Variants in CENPP observed in about 807,000 individuals in gnomAD.
CENPP encodes centromere protein P.
CENPP carries 24 observed loss-of-function variants against 35.6 expected under a neutral mutation model. The observed-to-expected ratio is 0.67, with a 90% confidence interval of 0.49 to 0.95. The LOEUF is 0.95. Among genes scored for constraint, CENPP ranks in the 40% least tolerant of loss-of-function variants. The probability of loss-of-function intolerance (pLI) is 0.00; values close to 1 mark genes in which losing one functional copy is unlikely to be tolerated. For synonymous variants in CENPP, 120 were observed against 125.5 expected (o/e 0.96, Z 0.29); for missense variants, 332 against 345.3 (o/e 0.96, Z 0.31).
intron 5 of CENPP, among the ~76,000 whole-genome samples, chr9:92,513,132 T>C (rs1395850889): frequency 6.6e-6 from 1 of 152,160 alleles, no homozygotes. Context: ...CCCAGACGAA[T>C]GCTCCTGCTG....
chr9:92,416,913 G>T, intron 5 of CENPP: 1 of 1,613,998 alleles, frequency 6.2e-7, no homozygotes, highest in Non-Finnish European at 8.5e-7. Flanking sequence ...AGGTTGAGCT[G>T]CATTAGTTTT....
intron 5 of CENPP, among the ~76,000 whole-genome samples, chr9:92,449,966 A>T (rs1344914355): frequency 6.6e-6 from 1 of 152,246 alleles, no homozygotes; most frequent in African/African-American, 2.4e-5. Flanking sequence ...ATTATTGTTT[A>T]ATGTTATTTG....
At chr9:92,367,261 G>T (rs948632835) in intron 4 of CENPP, among the ~76,000 whole-genome samples, 1 of 152,082 alleles carries the variant, frequency 6.6e-6, no homozygotes, top group African/African-American at 2.4e-5. Context: ...CCACCTCTCG[G>T]GTTCAAGCAA....
At chr9:92,444,478 G>A (rs1159196476) in intron 5 of CENPP, among the ~76,000 whole-genome samples, 2 of 150,944 alleles carry the variant, frequency 1.3e-5, no homozygotes, top group Admixed American at 1.3e-4. Context: ...GTCTTTTGAT[G>A]GACAAAACGT....
intron 4 of CENPP, among the ~76,000 whole-genome samples, chr9:92,364,258 C>G (rs755552683): frequency 3.3e-5 from 5 of 151,946 alleles, no homozygotes; most frequent in Non-Finnish European, 7.4e-5. Flanking sequence ...GTCTCACACT[C>G]CTGGGCTCAA....
rs749697394 is a variant in CENPP, at chr9:92,390,587, T to TGTGTGCGC, written c.564+10729_564+10730insTGTGCGCG. On this transcript the variant is annotated intron_variant, in intron 5 of 7. Coordinates refer to ENST00000375587, the MANE Select transcript of CENPP (RefSeq NM_001012267.3). ...CAGTGTGTGTGTGTGTGTGTGTGTG[T>TGTGTGCGC]GCGCGCGCGCGTACTTGCGTGTGCA... is the stretch of plus-strand genomic sequence containing the variant. 2.3e-4 allele frequency among the ~76,000 whole-genome samples: 33 copies of TGTGTGCGC among 141,914 alleles called. No individual in the cohort carries two copies. The South Asian group carries it at 2.3e-3, about 10-fold the overall frequency. The allele number at this position is 141,914 out of a possible 152,430, so 93.1% of individuals were successfully genotyped here.
At chr9:92,337,748 C>T in intron 3 of CENPP, 119 bp downstream of exon 3, 2 of 721,464 alleles carry the variant, frequency 2.8e-6, no homozygotes, top group African/African-American at 1.8e-5. Flanking sequence ...AGGGCCCCCC[C>T]ATTCATAGCA....
chr9:92,432,580 A>G (rs1844139428), intron 5 of CENPP, among the ~76,000 whole-genome samples: 3 of 152,226 alleles, frequency 2.0e-5, no homozygotes, highest in African/African-American at 7.2e-5. Flanking sequence ...TGGGTATAAA[A>G]GCCAGCACAC....
At position 92,616,042 on chromosome 9, in the gene CENPP, A is replaced by G; in HGVS notation, c.*2893A>G. The stretch of plus-strand genomic sequence containing the variant: ...ACCTGGACCTCGATGAAGGGACGAC[A>G]GGCCTTTGATCAGAGCTGCAAGTAA... On this transcript the variant is annotated 3_prime_UTR_variant, in exon 8 of 8. Coordinates refer to ENST00000375587, the MANE Select transcript of CENPP (RefSeq NM_001012267.3). 1 of 1,613,874 alleles carries G rather than the reference A, an allele frequency of 6.2e-7. No individual in the cohort carries two copies. The highest frequency in any genetic ancestry group is 8.5e-7 in the Non-Finnish European group (1 of 1,179,790).
At chr9:92,436,324 T>C (rs564941905) in intron 5 of CENPP, among the ~76,000 whole-genome samples, 2 of 152,340 alleles carry the variant, frequency 1.3e-5, no homozygotes, top group Non-Finnish European at 2.9e-5. Context: ...GGATATGTAG[T>C]TTGCAAAGAT....
intron 5 of CENPP, among the ~76,000 whole-genome samples, chr9:92,540,377 G>T (rs867519460): frequency 6.6e-6 from 1 of 150,826 alleles, no homozygotes; most frequent in Non-Finnish European, 1.5e-5. Flanking sequence ...GGCAAAGGTC[G>T]CAGTGAGTCG....
At chr9:92,484,499 TA>T (rs1846009416) in intron 5 of CENPP, among the ~76,000 whole-genome samples, 1 of 152,254 alleles carries the variant, frequency 6.6e-6, no homozygotes, top group African/African-American at 2.4e-5. Context: ...AAATTGTTTA[TA>T]TATTCAACTA....
intron 5 of CENPP, among the ~76,000 whole-genome samples, chr9:92,521,500 G>A (rs1489222333): frequency 2.6e-5 from 4 of 152,166 alleles, no homozygotes; most frequent in Admixed American, 6.5e-5. Context: ...AATAATTAAC[G>A]AAGAAGCATT....
At chr9:92,587,959 T>C (rs1200843985) in intron 5 of CENPP, among the ~76,000 whole-genome samples, 1 of 151,924 alleles carries the variant, frequency 6.6e-6, no homozygotes, top group East Asian at 2.0e-4. Flanking sequence ...AACCCGTCTC[T>C]ACTAAAAATA....
At chr9:92,583,171 T>C (rs1342997597) in intron 5 of CENPP, among the ~76,000 whole-genome samples, 4 of 152,210 alleles carry the variant, frequency 2.6e-5, no homozygotes, top group Admixed American at 2.0e-4. Context: ...AATTATTATC[T>C]GTGGGATCAA....
chr9:92,550,123 C>T (rs927169103), intron 5 of CENPP, among the ~76,000 whole-genome samples: 1 of 152,206 alleles, frequency 6.6e-6, no homozygotes, highest in Non-Finnish European at 1.5e-5. Context: ...TTGGGCCGGG[C>T]GTGGTGGCTC....
intron 5 of CENPP, among the ~76,000 whole-genome samples, chr9:92,570,835 A>G (rs1850118207): frequency 6.6e-6 from 1 of 152,130 alleles, no homozygotes; most frequent in Admixed American, 6.5e-5. Flanking sequence ...GAATTTATCC[A>G]TTTCTTCTAG....
chr9:92,407,309 T>G (rs1056837569), intron 5 of CENPP, among the ~76,000 whole-genome samples: 14 of 152,160 alleles, frequency 9.2e-5, no homozygotes, highest in African/African-American at 3.1e-4. Context: ...CATAGCCACC[T>G]CTACCTCAAG....
intron 5 of CENPP, among the ~76,000 whole-genome samples, chr9:92,458,860 T>G (rs1383691945): frequency 6.6e-6 from 1 of 152,178 alleles, no homozygotes; most frequent in African/African-American, 2.4e-5. Context: ...ACATTCATTT[T>G]GATGGTTTGT....
Sources: allele counts gnomAD v4.1 joint callset (sites outside exome capture counted in the v4.1 genomes callset), GRCh38; gene constraint gnomAD v4.1.1; transcripts MANE v1.5; gene names NCBI Gene and HGNC (gene_info 2026-07-23, HGNC 2026-07-21).